CYP4B1: variants seen among roughly 807,000 people sequenced by gnomAD.
CYP4B1 encodes cytochrome P450 4B1.
A neutral mutation model predicts 54.0 loss-of-function variants in CYP4B1; 45 were observed. The ratio of observed to expected loss-of-function variants is 0.83; its 90% confidence interval spans 0.66 to 1.07. The LOEUF (loss-of-function observed/expected upper bound fraction) is 1.07, where lower values mean the gene tolerates loss of function less well. Among genes scored for constraint, CYP4B1 ranks in the 50% least tolerant of loss-of-function variants. CYP4B1 has a pLI of 0.00. For synonymous variants in CYP4B1, 248 were observed against 247.5 expected (o/e 1.00, Z -0.02); for missense variants, 656 against 655.4 (o/e 1.00, Z -0.01).
chr1:46,808,245 G>T lies in CYP4B1; in HGVS notation c.181-2563G>T, dbSNP rs191552862. ...ACTGACTTCCACAATGATTGAACTA[G>T]TTTACAGTCCCACCAACAGTGTAAA... On this transcript the variant is annotated intron_variant, in intron 1 of 11. Coordinates refer to ENST00000371923, the MANE Select transcript of CYP4B1 (RefSeq NM_001099772.2). Among the ~76,000 whole-genome samples the T allele has an allele frequency of 7.4e-3, 1,129 of 152,200 alleles. 8 individuals carry two copies. Among genetic ancestry groups the T allele is most frequent in the African/African-American group, 0.026 (1,079 of 41,510 alleles).
chr1:46,818,017 G>A lies in CYP4B1; in HGVS notation c.1260G>A (p.Trp420Ter). 4 of 1,614,160 alleles carry A rather than the reference G, an allele frequency of 2.5e-6. No individual in the cohort carries two copies. Among genetic ancestry groups the A allele is most frequent in the Non-Finnish European group, 3.4e-6 (4 of 1,180,006 alleles). ...IYALHRNSAV[W>*]PDPEVFDSLR... ...CCCTCCATAGGAACAGTGCTGTATGGCCCGACCCTGAGGTACCCTTTCCCT... is the reference window on the plus strand; with the variant it reads ...CCCTCCATAGGAACAGTGCTGTATGACCCGACCCTGAGGTACCCTTTCCCT... The change falls in exon 10 of 12, where the codon TGG (tryptophan) becomes TGA (stop). Residue 420 changes from tryptophan to a stop codon, truncating the protein, a stop_gained. Transcript: ENST00000371923. LOFTEE classifies it high-confidence loss of function.
At chr1:46,815,912 C>T (rs958858159) in intron 8 of CYP4B1, among the ~76,000 whole-genome samples, 1 of 152,150 alleles carries the variant, frequency 6.6e-6, no homozygotes, top group Non-Finnish European at 1.5e-5. Flanking sequence ...TGTGGTCAGA[C>T]AACCTGCCTT....
chr1:46,799,338 G>A, intron 1 of CYP4B1, 77 bp downstream of exon 1: 1 of 1,344,970 alleles, frequency 7.4e-7, no homozygotes, highest in South Asian at 1.4e-5. Context: ...AATTCCCAGG[G>A]GGCTGTGGAG....
chr1:46,803,833 G>A (rs923011965), intron 1 of CYP4B1, among the ~76,000 whole-genome samples: 4 of 152,134 alleles, frequency 2.6e-5, no homozygotes, highest in African/African-American at 9.7e-5. Context: ...TGGAGAAAAC[G>A]ACATTCCATA....
At position 46,800,298 on chromosome 1, in the gene CYP4B1, C is replaced by CTTTCT. The variant is rs1553130209; in HGVS notation, c.180+1039_180+1040insTCTTT. On this transcript the variant is annotated intron_variant, in intron 1 of 11. Transcript: ENST00000371923. The stretch of plus-strand genomic sequence containing the variant: ...CCTTCCTTCCTTCCTTCCTTCCTTC[C>CTTTCT]TTCTTTCCTTCCTTCTCTTTCTCTC... Among the ~76,000 whole-genome samples the CTTTCT allele has an allele frequency of 3.4e-5, 3 of 87,974 alleles. 1 individual carries two copies. Among genetic ancestry groups the CTTTCT allele is most frequent in the South Asian group, 8.7e-4 (2 of 2,286 alleles). 57.7% of individuals were successfully genotyped at this position (87,974 alleles called of 152,430 possible). A position where few individuals can be genotyped will look rare whatever the true frequency, so the allele number is the denominator to read the frequency against.
chr1:46,811,490 A>G (rs1016703305), intron 3 of CYP4B1, among the ~76,000 whole-genome samples: 4 of 152,196 alleles, frequency 2.6e-5, no homozygotes, highest in Non-Finnish European at 5.9e-5. Context: ...GGAGATTTAA[A>G]TAGGTAGTGC....
rs144896315 is a variant in CYP4B1 at position 46,813,504 on chromosome 1, G to T, written c.518G>T (p.Arg173Leu). Residue 173 changes from arginine (R) to leucine (L), a missense_variant, in exon 5 of 12, where the codon CGG becomes CTG. By Grantham distance (102) the Arg-to-Leu change is moderately radical. Transcript: ENST00000371923. ...CAGGACAAGTGGGAAGAGAAAGCTC[G>T]GGAGGGTAAGTCCTTTGACATCTTC... Reference protein sequence around the residue: ...IMLDKWEEKAREGKSFDIFCD... With the variant: ...IMLDKWEEKALEGKSFDIFCD... 3.1e-6 allele frequency: 5 copies of T among 1,614,038 alleles called. No homozygotes were observed. The South Asian group carries it at 3.3e-5, about 11-fold the overall frequency.
chr1:46,811,107 G>A (rs1326823524), intron 2 of CYP4B1, 33 bp from the exon 3 acceptor site: 1 of 1,613,776 alleles, frequency 6.2e-7, no homozygotes, highest in Non-Finnish European at 8.5e-7. Context: ...GGAACCCCGG[G>A]TCCCTGCTTG....
At chr1:46,806,426 G>T (rs754158323) in intron 1 of CYP4B1, among the ~76,000 whole-genome samples, 23 of 152,168 alleles carry the variant, frequency 1.5e-4, no homozygotes, top group Non-Finnish European at 2.8e-4. Flanking sequence ...ACTGAGCTTC[G>T]GGTCAACTGG....
chr1:46,815,102 C>T lies in CYP4B1; in HGVS notation c.911C>T (p.Ala304Val), dbSNP rs375248128. 7.4e-6 allele frequency: 12 copies of T among 1,614,172 alleles called. No homozygotes were observed. The African/African-American group carries it at 1.1e-4, about 14-fold the overall frequency. The stretch of plus-strand genomic sequence containing the variant: ...GAAGATGACATCAAACTGTCAGATG[C>T]AGACCTCCGGGCTGAAGTGGACACA... ...RDEDDIKLSD[A>V]DLRAEVDTFM... is the part of the protein sequence containing the mutation. Residue 304 changes from alanine (A) to valine (V), a missense_variant, in exon 8 of 12, where the codon GCA becomes GTA. Transcript: ENST00000371923.
In CYP4B1 at chr1:46,814,257, GGAA is replaced by G; in HGVS notation, c.830_832del (p.Lys277del). 5 of 1,614,124 alleles carry G rather than the reference GGAA, an allele frequency of 3.1e-6. No individual in the cohort carries two copies. Among genetic ancestry groups the G allele is most frequent in the Non-Finnish European group, 4.2e-6 (5 of 1,180,012 alleles). The stretch of plus-strand genomic sequence containing the variant: ...GCAGCCCTGCAGGATGAGAAGGTGC[GGAA>G]GAAGATCCAGAACCGGAGGCACCTG... On this transcript the variant is annotated inframe_deletion, in exon 7 of 12. Transcript: ENST00000371923.
At chr1:46,799,745 G>A (rs1220399414) in intron 1 of CYP4B1, among the ~76,000 whole-genome samples, 2 of 152,250 alleles carry the variant, frequency 1.3e-5, no homozygotes, top group South Asian at 2.1e-4. Flanking sequence ...GTGTCTAAGC[G>A]GTTGGTGTCC....
rs760151276 is a variant in CYP4B1, at chr1:46,813,964, C to CGCCTTGT, written c.678_684dup (p.Ser229ProfsTer8). On this transcript the variant is annotated frameshift_variant, in exon 6 of 12. Coordinates refer to ENST00000371923, the MANE Select transcript of CYP4B1 (RefSeq NM_001099772.2). LOFTEE classifies it high-confidence loss of function. ...CGATCTCACTCTGTTGATGCAGCAG[C>CGCCTTGT]GCCTTGTGTCCTTCCAGTACCATAA... The CGCCTTGT allele has an allele frequency of 1.9e-6, 3 of 1,614,144 alleles. No homozygotes were observed. The East Asian group carries it at 6.7e-5, about 36-fold the overall frequency.
intron 3 of CYP4B1, among the ~76,000 whole-genome samples, chr1:46,811,513 G>T (rs1159258890): frequency 6.6e-6 from 1 of 152,204 alleles, no homozygotes; most frequent in East Asian, 1.9e-4. Flanking sequence ...GCCAGGGCAA[G>T]GGCCTAAGGA....
intron 3 of CYP4B1, 175 bp from the exon 4 acceptor site, chr1:46,812,321 C>T (rs533623891): frequency 2.7e-6 from 2 of 735,370 alleles, no homozygotes; most frequent in East Asian, 2.7e-5. Context: ...CTGCTGCCAC[C>T]TGTCTCCTGA....
rs1185529758 is a variant in CYP4B1 at position 46,818,730 on chromosome 1, C to G, written c.1455C>G (p.Pro485=). 1 of 1,614,202 alleles carries G rather than the reference C, an allele frequency of 6.2e-7. No homozygotes were observed. The highest frequency in any genetic ancestry group is 1.1e-5 in the South Asian group (1 of 91,078). The stretch of plus-strand genomic sequence containing the variant: ...TCTCTCTGGACCCCTCACGGCTGCC[C>G]ATCAAGATGCCCCAGCTTGTCCTGC... ...FEFSLDPSRL[P]IKMPQLVLRS... is the part of the protein sequence containing the mutation. The change falls in exon 12 of 12, where the codon CCC becomes CCG. Residue 485 remains proline, a synonymous_variant. Transcript: ENST00000371923.
At chr1:46,817,933 T>C in intron 9 of CYP4B1, 32 bp from the exon 10 acceptor site, 2 of 1,610,434 alleles carry the variant, frequency 1.2e-6, no homozygotes, top group Non-Finnish European at 1.7e-6. Flanking sequence ...TACCCAGGAC[T>C]ACCTGGTCAC....
At chr1:46,813,138 T>C (rs994583117) in intron 4 of CYP4B1, among the ~76,000 whole-genome samples, 1 of 152,098 alleles carries the variant, frequency 6.6e-6, no homozygotes, top group African/African-American at 2.4e-5. Context: ...TGTAGGAAAC[T>C]CCCCTCCAGG....
intron 1 of CYP4B1, among the ~76,000 whole-genome samples, chr1:46,800,298 C>CTCCCTTCTTTCT (rs1553130204): frequency 0.046 from 4,073 of 87,950 alleles, 726 homozygotes; most frequent in East Asian, 0.091. Flanking sequence ...TCCTTCCTTC[C>CTCCCTTCTTTCT]TTCTTTCCTT....
Sources: allele counts gnomAD v4.1 joint callset (sites outside exome capture counted in the v4.1 genomes callset), GRCh38; gene constraint gnomAD v4.1.1; transcripts MANE v1.5; gene names NCBI Gene and HGNC (gene_info 2026-07-23, HGNC 2026-07-21).